Variants in SAMMSON observed in about 807,000 individuals in gnomAD.
SAMMSON encodes the protein survival associated mitochondrial melanoma specific oncogenic non-coding RNA.
chr3:70,049,731 G>A (rs1360355222), intron 3 of SAMMSON, among the ~76,000 whole-genome samples: 3 of 151,934 alleles, frequency 2.0e-5, no homozygotes, highest in African/African-American at 7.3e-5. Context: ...GGAAATGAGG[G>A]ATTTTTTGTT....
At chr3:70,357,613 T>C (rs1175100908) in intron 8 of SAMMSON, among the ~76,000 whole-genome samples, 2 of 152,002 alleles carry the variant, frequency 1.3e-5, no homozygotes, top group African/African-American at 4.8e-5. Context: ...GGAGGAAACT[T>C]AGAAGATGGG....
chr3:70,394,525 G>C (rs1164280322), downstream of SAMMSON, among the ~76,000 whole-genome samples: 1 of 152,096 alleles, frequency 6.6e-6, no homozygotes, highest in Non-Finnish European at 1.5e-5. Flanking sequence ...GGACCGAAGA[G>C]AGGGAATAAT....
chr3:70,042,912 G>A (rs936240567), intron 3 of SAMMSON, among the ~76,000 whole-genome samples: 2 of 152,012 alleles, frequency 1.3e-5, no homozygotes, highest in Non-Finnish European at 2.9e-5. Flanking sequence ...TCCCTCTCTG[G>A]CTTCCCCAGA....
chr3:70,272,111 T>A (rs1701981378), intron 6 of SAMMSON: 1 of 152,230 alleles, frequency 6.6e-6, no homozygotes. Flanking sequence ...AAATATCACA[T>A]GCCCAGAGTT....
intron 4 of SAMMSON, among the ~76,000 whole-genome samples, chr3:70,180,357 A>G (rs1487807520): frequency 1.3e-5 from 2 of 152,174 alleles, no homozygotes; most frequent in Non-Finnish European, 2.9e-5. Context: ...TAATAACAAC[A>G]ATAATACAAT....
intron 9 of SAMMSON, among the ~76,000 whole-genome samples, chr3:70,365,283 T>C (rs1702911966): frequency 1.3e-5 from 2 of 151,326 alleles, no homozygotes; most frequent in African/African-American, 4.8e-5. Flanking sequence ...TGGGTACTAG[T>C]ATTTCTCATT....
At chr3:70,214,221 C>T (rs909543225) in intron 4 of SAMMSON, among the ~76,000 whole-genome samples, 1 of 151,946 alleles carries the variant, frequency 6.6e-6, no homozygotes, top group Non-Finnish European at 1.5e-5. Context: ...GACATTTTTT[C>T]TTTAATTTTC....
At chr3:70,192,570 C>G (rs749651753) in intron 4 of SAMMSON, among the ~76,000 whole-genome samples, 1 of 152,160 alleles carries the variant, frequency 6.6e-6, no homozygotes, top group African/African-American at 2.4e-5. Flanking sequence ...GATAAACAAC[C>G]CCTACTCTCT....
intron 3 of SAMMSON, among the ~76,000 whole-genome samples, chr3:70,032,822 G>C (rs2067070927): frequency 6.6e-6 from 1 of 152,186 alleles, no homozygotes; most frequent in African/African-American, 2.4e-5. Flanking sequence ...AGGAAGTGCT[G>C]CAACAGGGCT....
intron 6 of SAMMSON, among the ~76,000 whole-genome samples, chr3:70,278,310 T>C (rs551780115): frequency 9.3e-4 from 142 of 152,350 alleles, no homozygotes; most frequent in African/African-American, 3.2e-3. Flanking sequence ...TACATATGTG[T>C]ATGTACCCAA....
At chr3:70,112,662 C>G (rs887365726) in intron 4 of SAMMSON, among the ~76,000 whole-genome samples, 1 of 152,032 alleles carries the variant, frequency 6.6e-6, no homozygotes, top group African/African-American at 2.4e-5. Context: ...GTTGAGAAAG[C>G]ATGGTAAAAA....
chr3:70,426,909 T>C (rs1701374671), intron 2 of SAMMSON, among the ~76,000 whole-genome samples: 2 of 152,238 alleles, frequency 1.3e-5, no homozygotes, highest in South Asian at 4.1e-4. Context: ...CATTTCTGGA[T>C]CACTTTCACA....
In SAMMSON at chr3:70,251,742, G is replaced by A. The variant is rs1262320625; in HGVS notation, n.674+2072G>A. 7.2e-5 allele frequency among the ~76,000 whole-genome samples: 11 copies of A among 152,144 alleles called. 1 individual carries two copies. Among genetic ancestry groups the A allele is most frequent in the Admixed American group, 2.6e-4 (4 of 15,272 alleles). On this transcript the variant is annotated intron_variant and non_coding_transcript_variant, in intron 6 of 9. Coordinates refer to ENST00000642114, the Ensembl canonical transcript of SAMMSON. ...TAATACCATACCTAAGTAGTTGCTC[G>A]TCTAAGGAAGATGAGGAACCTGTAG...
At chr3:70,223,535 T>C (rs7427227) in intron 4 of SAMMSON, among the ~76,000 whole-genome samples, 152,190 of 152,282 alleles carry the variant, frequency 1, 76,049 homozygotes, top group East Asian at 1. Context: ...TGCCTCAATT[T>C]GGAAAGGCTG....
At chr3:70,401,400 A>T (rs1701139480) in intron 2 of SAMMSON, among the ~76,000 whole-genome samples, 1 of 152,202 alleles carries the variant, frequency 6.6e-6, no homozygotes, top group African/African-American at 2.4e-5. Context: ...TTACTCTTAC[A>T]TAAGGCAATT....
At chr3:70,432,610 G>T (rs1313193488) in intron 2 of SAMMSON, among the ~76,000 whole-genome samples, 1 of 151,846 alleles carries the variant, frequency 6.6e-6, no homozygotes, top group Non-Finnish European at 1.5e-5. Flanking sequence ...CTAACACCTT[G>T]TGTTAGTATG....
At chr3:70,101,842 T>C (rs551152595) in intron 4 of SAMMSON, among the ~76,000 whole-genome samples, 1 of 152,286 alleles carries the variant, frequency 6.6e-6, no homozygotes, top group East Asian at 1.9e-4. Context: ...AAAATTATAA[T>C]TTCCTGACTT....
chr3:70,367,294 T>C (rs1171993194), intron 9 of SAMMSON, among the ~76,000 whole-genome samples: 1 of 151,632 alleles, frequency 6.6e-6, no homozygotes, highest in African/African-American at 2.4e-5. Context: ...TTATACCCAT[T>C]AATCAATCTT....
intron 3 of SAMMSON, among the ~76,000 whole-genome samples, chr3:70,016,948 A>T (rs1217978766): frequency 6.6e-6 from 1 of 152,018 alleles, no homozygotes; most frequent in African/African-American, 2.4e-5. Context: ...TGGTCTATAT[A>T]TCTGTTTTGG....
Sources: gnomAD v4.1 joint callset for allele counts (sites outside exome capture counted in the v4.1 genomes callset) on GRCh38, gnomAD v4.1.1 for gene constraint, MANE v1.5 for transcripts, NCBI Gene and HGNC (gene_info 2026-07-23, HGNC 2026-07-21) for gene names.